Variants in BICDL1 observed in about 807,000 individuals in gnomAD.
The protein encoded by BICDL1 is BICD family like cargo adaptor 1, also known as BICD family-like cargo adapter 1.
Under a neutral mutation model 76.8 loss-of-function variants are expected in BICDL1, and 20 were observed. That is an observed-to-expected ratio of 0.26 (90% CI 0.18 to 0.38). BICDL1 has a LOEUF of 0.38. Ranked by LOEUF, BICDL1 falls within the 10% of genes least tolerant of loss-of-function variation. The pLI is 1.00. For missense variants in BICDL1, 700 were observed against 798.6 expected (o/e 0.88, Z 1.49); for synonymous variants, 383 against 337.1 (o/e 1.14, Z -1.49).
At position 120,050,468 on chromosome 12, in the gene BICDL1, C is replaced by T. The variant is rs561684088; in HGVS notation, c.646-11242C>T. Among the ~76,000 whole-genome samples the T allele has an allele frequency of 4.5e-4, 69 of 151,840 alleles. No individual in the cohort carries two copies. The East Asian group carries it at 0.012, about 27-fold the overall frequency. On this transcript the variant is annotated intron_variant, in intron 2 of 9. Coordinates refer to ENST00000548673, the MANE Select transcript of BICDL1 (RefSeq NM_001367886.1). ...GTTTTTAGTAGAGACAGGGTTTCAC[C>T]GTGTTAGCCAGGATGGTCTCGATCT...
At chr12:120,091,154 A>C in intron 9 of BICDL1, 2 of 1,209,630 alleles carry the variant, frequency 1.7e-6, no homozygotes, top group Non-Finnish European at 1.1e-6. Flanking sequence ...ACATGCCCTC[A>C]AGTCCCAGCT....
intron 2 of BICDL1, among the ~76,000 whole-genome samples, chr12:120,009,595 A>G (rs1328594453): frequency 1.3e-5 from 2 of 152,216 alleles, no homozygotes; most frequent in African/African-American, 4.8e-5. Context: ...AGATAAAAAT[A>G]GAGTTTAAAT....
intron 8 of BICDL1, 93 bp downstream of exon 8, chr12:120,081,110 G>T (rs1873936474): frequency 2.3e-6 from 3 of 1,332,402 alleles, no homozygotes; most frequent in Non-Finnish European, 2.1e-6. Flanking sequence ...TCATACAAAA[G>T]AATACAAAGG....
rs1375045039 is a variant in BICDL1, at chr12:120,093,608, G to T, written c.*447G>T. On this transcript the variant is annotated 3_prime_UTR_variant, in exon 10 of 10. Transcript: ENST00000548673. Reference sequence around the variant, plus strand: ...GAGCCCCAGGGGCCTAGACCTGTGGGGGCAGCGGGCCAGGCCTGAGCCTCC... The same window carrying T: ...GAGCCCCAGGGGCCTAGACCTGTGGTGGCAGCGGGCCAGGCCTGAGCCTCC... 1 of 178,836 alleles carries T rather than the reference G, an allele frequency of 5.6e-6. No homozygotes were observed. The highest frequency in any genetic ancestry group is 1.2e-5 in the Non-Finnish European group (1 of 82,626). The allele number at this position is 178,836 out of a possible 1,614,324, so 11.1% of individuals were successfully genotyped here. A position where few individuals can be genotyped will look rare whatever the true frequency, so the allele number is the denominator to read the frequency against.
intron 8 of BICDL1, among the ~76,000 whole-genome samples, chr12:120,082,019 T>C (rs149221899): frequency 1.2e-3 from 181 of 152,132 alleles, no homozygotes; most frequent in African/African-American, 4.1e-3. Context: ...ATTTCCCCAA[T>C]TGGCCCATAA....
In BICDL1 at chr12:120,012,716, C is replaced by CA. The variant is rs1209625440; in HGVS notation, c.645+13983dup. On this transcript the variant is annotated intron_variant, in intron 2 of 9. Transcript: ENST00000548673. ...GACATGAGGTATTAGCTGAATCCCT[C>CA]AAACAGTCCACCACTTAGAACCTTT... is the stretch of plus-strand genomic sequence containing the variant. Among the ~76,000 whole-genome samples the CA allele has an allele frequency of 3.3e-5, 5 of 152,146 alleles. No homozygotes were observed. The South Asian group carries it at 6.2e-4, about 19-fold the overall frequency.
intron 2 of BICDL1, among the ~76,000 whole-genome samples, chr12:120,039,667 G>T (rs1268333772): frequency 6.7e-6 from 1 of 148,878 alleles, no homozygotes; most frequent in African/African-American, 2.5e-5. Context: ...AAAAGAAAAG[G>T]CTTCATGGAG....
intron 2 of BICDL1, among the ~76,000 whole-genome samples, chr12:120,033,542 A>G (rs1303223765): frequency 6.6e-6 from 1 of 151,214 alleles, no homozygotes; most frequent in Non-Finnish European, 1.5e-5. Context: ...ACGCCCGGCT[A>G]ATTTTGTTTT....
intron 2 of BICDL1, among the ~76,000 whole-genome samples, chr12:120,060,118 A>C (rs1277662583): frequency 1.3e-5 from 2 of 152,204 alleles, no homozygotes; most frequent in Non-Finnish European, 2.9e-5. Context: ...AATCAAGATA[A>C]TGCATTGGAA....
intron 2 of BICDL1, among the ~76,000 whole-genome samples, chr12:120,046,856 A>G (rs1952760282): frequency 6.6e-6 from 1 of 152,212 alleles, no homozygotes; most frequent in African/African-American, 2.4e-5. Flanking sequence ...TCCTCATAGA[A>G]CATTTAAAAA....
intron 2 of BICDL1, among the ~76,000 whole-genome samples, chr12:120,045,599 A>G (rs1307682351): frequency 6.6e-6 from 1 of 152,010 alleles, no homozygotes; most frequent in Non-Finnish European, 1.5e-5. Context: ...ATAAAAAATG[A>G]TGAGTTCATG....
intron 2 of BICDL1, among the ~76,000 whole-genome samples, chr12:120,005,397 C>T (rs1473693201): frequency 6.6e-6 from 1 of 152,110 alleles, no homozygotes; most frequent in African/African-American, 2.4e-5. Context: ...GAGAGTCTTG[C>T]TCTGTCTCCC....
At chr12:120,073,540 G>A (rs1470662342) in intron 6 of BICDL1, among the ~76,000 whole-genome samples, 3 of 152,184 alleles carry the variant, frequency 2.0e-5, no homozygotes, top group Non-Finnish European at 4.4e-5. Context: ...GGCCACCTGT[G>A]GAGGAGAGGA....
In BICDL1 at chr12:119,989,875, G is replaced by C; in HGVS notation, c.7G>C (p.Ala3Pro). The change falls in exon 1 of 10, where the codon GCT becomes CCT. Residue 3 changes from alanine to proline, a missense_variant. Physicochemically the swap from Ala to Pro is conservative, Grantham distance 27. Coordinates refer to ENST00000548673, the MANE Select transcript of BICDL1 (RefSeq NM_001367886.1). MS[A>P]FCLGLVGRAS... ...GGCTCCGCGCGCGCGGGCCATGTCC[G>C]CTTTCTGCCTGGGCTTGGTCGGCCG... 7.1e-7 allele frequency: 1 copy of C among 1,413,850 alleles called. No homozygotes were observed. Among genetic ancestry groups the C allele is most frequent in the African/African-American group, 1.5e-5 (1 of 65,866 alleles). 87.6% of individuals were successfully genotyped at this position (1,413,850 alleles called of 1,614,324 possible).
intron 8 of BICDL1, among the ~76,000 whole-genome samples, chr12:120,081,965 A>G (rs1874029271): frequency 6.6e-6 from 1 of 151,678 alleles, no homozygotes; most frequent in Non-Finnish European, 1.5e-5. Flanking sequence ...TCACACTTGA[A>G]AAAAATAATT....
intron 1 of BICDL1, among the ~76,000 whole-genome samples, chr12:119,991,074 T>A (rs973832179): frequency 1.3e-5 from 2 of 152,236 alleles, no homozygotes; most frequent in Admixed American, 6.5e-5. Context: ...GTTGTTTGTT[T>A]TCTTGCCCTT....
rs1037345022 is a variant in BICDL1 at position 119,990,403 on chromosome 12, A to G, written c.429+106A>G. 57 of 1,496,408 alleles carry G rather than the reference A, an allele frequency of 3.8e-5. No individual in the cohort carries two copies. The East Asian group carries it at 1.2e-3, about 31-fold the overall frequency. The allele number at this position is 1,496,408 out of a possible 1,614,324, so 92.7% of individuals were successfully genotyped here. On this transcript the variant is annotated intron_variant, in intron 1 of 9. Transcript: ENST00000548673. ...TCACCCCCACTTCGTTGCTCACCCT[A>G]CCTCGCAGAAAATCTGGAATGAATG...
intron 8 of BICDL1, among the ~76,000 whole-genome samples, chr12:120,081,899 T>A (rs2138989363): frequency 6.7e-6 from 1 of 149,748 alleles, no homozygotes; most frequent in African/African-American, 2.4e-5. Flanking sequence ...CCATAAACAC[T>A]TCAGTATACA....
At chr12:120,051,998 T>G (rs910768252) in intron 2 of BICDL1, among the ~76,000 whole-genome samples, 6 of 152,034 alleles carry the variant, frequency 3.9e-5, no homozygotes, top group Non-Finnish European at 8.8e-5. Context: ...TGGAGTGCAG[T>G]GGCATGATCT....
Sources: gnomAD v4.1 joint callset for allele counts (sites outside exome capture counted in the v4.1 genomes callset) on GRCh38, gnomAD v4.1.1 for gene constraint, MANE v1.5 for transcripts, NCBI Gene and HGNC (gene_info 2026-07-23, HGNC 2026-07-21) for gene names.